The following TRPM3 variants were observed in gnomAD, a reference collection of about 807,000 sequenced individuals.
The protein encoded by TRPM3 is transient receptor potential cation channel subfamily M member 3, also known as long transient receptor potential channel 3.
A neutral mutation model predicts 181.2 loss-of-function variants in TRPM3; 77 were observed. The observed-to-expected ratio is 0.42, with a 90% CI of 0.35 to 0.51. The LOEUF is 0.51. TRPM3 is among the 20% of genes least tolerant of loss of function. The pLI is 0.01. For missense variants in TRPM3, 1,759 were observed against 2,196.7 expected, an observed-to-expected ratio of 0.80 and a Z score of 3.98; for synonymous variants, 745 against 796.4, an observed-to-expected ratio of 0.94 and a Z score of 1.09.
At chr9:71,029,165 G>A (rs1188686008) in intron 1 of TRPM3, among the ~76,000 whole-genome samples, 1 of 151,972 alleles carries the variant, frequency 6.6e-6, no homozygotes, top group Non-Finnish European at 1.5e-5. Context: ...TAATGAGAAC[G>A]AAGATACATC....
chr9:71,253,390 G>T (rs747913111), intron 1 of TRPM3, among the ~76,000 whole-genome samples: 3 of 152,116 alleles, frequency 2.0e-5, no homozygotes, highest in African/African-American at 7.2e-5. Context: ...TTTAGTTGTT[G>T]CAAGTGGGCA....
rs573579438 is a variant in TRPM3, at chr9:71,203,974, C to T, written c.183+242679G>A. Among the ~76,000 whole-genome samples the T allele has an allele frequency of 5.3e-5, 8 of 151,926 alleles. 1 individual carries two copies. The highest frequency in any genetic ancestry group is 2.1e-4 in the South Asian group (1 of 4,814). On this transcript the variant is annotated intron_variant, in intron 1 of 24. Coordinates refer to the TRPM3 transcript ENST00000357533. ...GAAGAAATGGGGAAAGGATTCCCTACTTAATAAATGGTGCTGGGAAAACTG... is the reference window on the plus strand; with the variant it reads ...GAAGAAATGGGGAAAGGATTCCCTATTTAATAAATGGTGCTGGGAAAACTG...
At position 71,150,732 on chromosome 9, in the gene TRPM3, T is replaced by A. The variant is rs2075689642; in HGVS notation, c.184-286221A>T. Among the ~76,000 whole-genome samples the A allele has an allele frequency of 4.6e-5, 7 of 152,118 alleles. No homozygotes were observed. In the South Asian group the frequency reaches 1.4e-3, roughly 31 times the overall value. Reference sequence around the variant, plus strand: ...AACCTTCAATACTATCACAACATATTTCTTAGACCTATACAAATATGTTTA... The same window carrying A: ...AACCTTCAATACTATCACAACATATATCTTAGACCTATACAAATATGTTTA... On this transcript the variant is annotated intron_variant, in intron 1 of 24. Transcript: ENST00000357533.
At chr9:71,203,901 A>G (rs760248961) in intron 1 of TRPM3, among the ~76,000 whole-genome samples, 70 of 152,280 alleles carry the variant, frequency 4.6e-4, no homozygotes, top group Non-Finnish European at 7.9e-4. Flanking sequence ...AGTACGATTG[A>G]AAGTAATCTC....
At chr9:70,784,353 G>A (rs1048017404) in intron 6 of TRPM3, 74 bp from the exon 7 acceptor site, 28 of 1,452,890 alleles carry the variant, frequency 1.9e-5, no homozygotes, top group Non-Finnish European at 2.4e-5. Context: ...GAAACAAAAA[G>A]AGAAACAAAA....
intron 1 of TRPM3, among the ~76,000 whole-genome samples, chr9:71,156,164 A>G (rs888517092): frequency 6.6e-6 from 1 of 152,082 alleles, no homozygotes; most frequent in African/African-American, 2.4e-5. Flanking sequence ...GACTTAGTTC[A>G]GGTACAATGG....
At chr9:70,589,316 T>C (rs758134341) in intron 22 of TRPM3, among the ~76,000 whole-genome samples, 4 of 152,168 alleles carry the variant, frequency 2.6e-5, no homozygotes, top group Non-Finnish European at 5.9e-5. Flanking sequence ...CATCAATAAA[T>C]GGCCACTTGT....
intron 1 of TRPM3, among the ~76,000 whole-genome samples, chr9:71,277,786 A>G (rs2084339729): frequency 1.3e-5 from 2 of 152,358 alleles, no homozygotes; most frequent in Middle Eastern, 3.4e-3. Flanking sequence ...CACTAACAGG[A>G]AAAATGCTTC....
intron 1 of TRPM3, among the ~76,000 whole-genome samples, chr9:71,299,396 T>G (rs1204214112): frequency 6.6e-6 from 1 of 151,826 alleles, no homozygotes; most frequent in South Asian, 2.1e-4. Flanking sequence ...TCCTACTATA[T>G]CTGTATTAAT....
At chr9:70,685,878 AT>A (rs2066621066) in intron 8 of TRPM3, among the ~76,000 whole-genome samples, 1 of 89,444 alleles carries the variant, frequency 1.1e-5, no homozygotes, top group South Asian at 4.3e-4. Context: ...TGTATCTCAC[AT>A]TTTTTATATG....
chr9:70,541,361 G>A lies in TRPM3; in HGVS notation c.3708-3956C>T, dbSNP rs2043301677. 2.0e-5 allele frequency among the ~76,000 whole-genome samples: 3 copies of A among 152,284 alleles called. No homozygotes were observed. In the South Asian group the frequency reaches 6.2e-4, roughly 32 times the overall value. Reference sequence around the variant, plus strand: ...TCCATTTTCTCCCAGAATGCTGGGTGTGTTCAACAAACTTACCATGAAATG... The same window carrying A: ...TCCATTTTCTCCCAGAATGCTGGGTATGTTCAACAAACTTACCATGAAATG... On this transcript the variant is annotated intron_variant, in intron 25 of 25. Transcript: ENST00000677713.
At chr9:71,239,550 G>T (rs548198286) in intron 1 of TRPM3, among the ~76,000 whole-genome samples, 3 of 152,114 alleles carry the variant, frequency 2.0e-5, no homozygotes, top group African/African-American at 7.2e-5. Flanking sequence ...AAAAGTATTA[G>T]CAGACATTTA....
intron 1 of TRPM3, among the ~76,000 whole-genome samples, chr9:71,087,014 T>A (rs1164294396): frequency 1.3e-5 from 2 of 152,054 alleles, no homozygotes; most frequent in African/African-American, 4.8e-5. Context: ...GCTTATGATC[T>A]CAATAGCCAT....
intron 1 of TRPM3, among the ~76,000 whole-genome samples, chr9:71,272,843 A>G (rs1335826714): frequency 6.6e-6 from 1 of 151,812 alleles, no homozygotes; most frequent in African/African-American, 2.4e-5. Context: ...ATGTGCATGA[A>G]TTTATAGTAT....
At chr9:70,674,648 C>T (rs1412361521) in intron 9 of TRPM3, among the ~76,000 whole-genome samples, 1 of 151,888 alleles carries the variant, frequency 6.6e-6, no homozygotes, top group Non-Finnish European at 1.5e-5. Context: ...CAGCCTTGAC[C>T]TCCTGGGCTC....
At chr9:71,420,583 A>G (rs535474198) in intron 1 of TRPM3, among the ~76,000 whole-genome samples, 1 of 150,040 alleles carries the variant, frequency 6.7e-6, no homozygotes, top group African/African-American at 2.4e-5. Flanking sequence ...AGAGAAAGAG[A>G]AAGAAAAAGA....
chr9:71,256,417 A>G (rs2082676406), intron 1 of TRPM3, among the ~76,000 whole-genome samples: 1 of 152,134 alleles, frequency 6.6e-6, no homozygotes, highest in Admixed American at 6.6e-5. Context: ...AAGAACATTG[A>G]TGATAAAGGA....
intron 8 of TRPM3, among the ~76,000 whole-genome samples, chr9:70,682,189 G>A (rs938599556): frequency 1.3e-5 from 2 of 151,912 alleles, no homozygotes; most frequent in African/African-American, 4.8e-5. Context: ...TATGATTTTG[G>A]GGCCCTTGCT....
chr9:71,265,345 A>G (rs1020132675), intron 1 of TRPM3, among the ~76,000 whole-genome samples: 9 of 152,202 alleles, frequency 5.9e-5, no homozygotes. Flanking sequence ...TATGCAGCTT[A>G]TTAAATTTAT....
Sources: gnomAD v4.1 joint callset for allele counts (sites outside exome capture counted in the v4.1 genomes callset) on GRCh38, gnomAD v4.1.1 for gene constraint, MANE v1.5 for transcripts, NCBI Gene and HGNC (gene_info 2026-07-23, HGNC 2026-07-21) for gene names.